Variants in KIRREL1 observed in about 807,000 individuals in gnomAD.
KIRREL1 encodes kirre like nephrin family adhesion molecule 1.
KIRREL1 carries 25 observed loss-of-function variants against 83.3 expected under a neutral mutation model. That is an observed-to-expected ratio of 0.30 (90% CI 0.22 to 0.42). The LOEUF is 0.42. Among genes scored for constraint, KIRREL1 ranks in the 10% least tolerant of loss-of-function variants. KIRREL1 has a pLI of 1.00. For missense variants in KIRREL1, 812 were observed against 1,032.3 expected (o/e 0.79, Z 2.92); for synonymous variants, 388 against 410.4 (o/e 0.95, Z 0.66).
At chr1:158,071,355 C>T (rs556971496) in intron 1 of KIRREL1, among the ~76,000 whole-genome samples, 45 of 152,258 alleles carry the variant, frequency 3.0e-4, no homozygotes, top group Non-Finnish European at 4.6e-4. Flanking sequence ...CGTGTGAGTG[C>T]GTGTGAGTAT....
At chr1:158,079,816 C>G (rs1661793757) in intron 3 of KIRREL1, among the ~76,000 whole-genome samples, 1 of 152,182 alleles carries the variant, frequency 6.6e-6, no homozygotes, top group Non-Finnish European at 1.5e-5. Context: ...ATAATGACAC[C>G]AGCCTTTTCT....
In KIRREL1 at chr1:158,093,616, G is replaced by A. The variant is rs369445203; in HGVS notation, c.1580-7G>A. 5.6e-5 allele frequency: 90 copies of A among 1,613,948 alleles called. No individual in the cohort carries two copies. The highest frequency in any genetic ancestry group is 2.4e-4 in the African/African-American group (18 of 74,932). On this transcript the variant is annotated splice_polypyrimidine_tract_variant and splice_region_variant and intron_variant, in intron 12 of 14. Transcript: ENST00000359209. The stretch of plus-strand genomic sequence containing the variant: ...GCACTTGTTCCAGGCTGCCTCTCCC[G>A]TCCCAGGTCGCAAAGACGTGACCCT...
rs41273471 is a variant in KIRREL1, at chr1:158,096,879, G to A, written c.*1759G>A. 33,008 of 456,642 alleles carry A rather than the reference G, an allele frequency of 0.072. 1,410 individuals are homozygous for A. The highest frequency in any genetic ancestry group is 0.11 in the African/African-American group (5,379 of 50,150). 28.3% of individuals were successfully genotyped at this position (456,642 alleles called of 1,614,324 possible). A position where few individuals can be genotyped will look rare whatever the true frequency, so the allele number is the denominator to read the frequency against. ...CCAAAATGTTCCTCGCCCTTTCTCC[G>A]TGGTCACCATTCATAATTCATGTTC... On this transcript the variant is annotated 3_prime_UTR_variant, in exon 15 of 15. Transcript: ENST00000359209.
At chr1:158,001,541 G>C (rs1361487156) in intron 1 of KIRREL1, among the ~76,000 whole-genome samples, 1 of 152,206 alleles carries the variant, frequency 6.6e-6, no homozygotes, top group Admixed American at 6.5e-5. Context: ...TGCCGTGATA[G>C]CAGTGTGCAG....
At chr1:158,076,052 G>A (rs1212811836) in intron 1 of KIRREL1, 61 bp from the exon 2 acceptor site, 2 of 1,481,330 alleles carry the variant, frequency 1.4e-6, no homozygotes, top group East Asian at 2.4e-5. Flanking sequence ...TGGTGAGGGG[G>A]ACCTCTTAGA....
chr1:158,015,889 A>G (rs1659812339), intron 1 of KIRREL1, among the ~76,000 whole-genome samples: 1 of 152,080 alleles, frequency 6.6e-6, no homozygotes, highest in Admixed American at 6.5e-5. Flanking sequence ...CCCAGTGTCT[A>G]GTTTCTTCTC....
intron 1 of KIRREL1, among the ~76,000 whole-genome samples, chr1:158,056,122 C>G (rs376248238): frequency 1.6e-4 from 24 of 152,330 alleles, no homozygotes; most frequent in African/African-American, 5.1e-4. Flanking sequence ...CCTCGCCCCC[C>G]CTCATCCTGC....
intron 1 of KIRREL1, among the ~76,000 whole-genome samples, chr1:158,043,731 A>G (rs990994225): frequency 1.3e-5 from 2 of 151,980 alleles, no homozygotes; most frequent in Non-Finnish European, 2.9e-5. Flanking sequence ...ACAGAAGAAA[A>G]TGTGCCTTCC....
chr1:157,999,840 T>C (rs1253089154), intron 1 of KIRREL1, among the ~76,000 whole-genome samples: 2 of 152,138 alleles, frequency 1.3e-5, no homozygotes, highest in African/African-American at 2.4e-5. Context: ...GGAAAAATAA[T>C]GGGCTCTCTC....
intron 1 of KIRREL1, among the ~76,000 whole-genome samples, chr1:158,034,370 A>G (rs967319464): frequency 3.3e-5 from 5 of 151,844 alleles, no homozygotes; most frequent in African/African-American, 1.2e-4. Flanking sequence ...CCCTTTCCCA[A>G]TTTTCATTCC....
chr1:158,090,566 C>T (rs1662165720), intron 10 of KIRREL1, among the ~76,000 whole-genome samples: 1 of 152,178 alleles, frequency 6.6e-6, no homozygotes, highest in South Asian at 2.1e-4. Flanking sequence ...GAGGATTGAT[C>T]CCTGGAAAGG....
chr1:157,998,976 T>TA (rs996200960), intron 1 of KIRREL1, among the ~76,000 whole-genome samples: 2 of 152,322 alleles, frequency 1.3e-5, no homozygotes, highest in Admixed American at 1.3e-4. Flanking sequence ...CCTGAGGTGT[T>TA]AGACCCCAGA....
Position 158,094,171 on chromosome 1 carries a change from C to T in KIRREL1, c.1720-142C>T. The T allele has an allele frequency of 1.4e-6, 1 of 726,470 alleles. No individual in the cohort carries two copies. Among genetic ancestry groups the T allele is most frequent in the Admixed American group, 2.1e-5 (1 of 48,254 alleles). The allele number at this position is 726,470 out of a possible 1,614,324, so 45.0% of individuals were successfully genotyped here. Reference sequence around the variant, plus strand: ...TTCCCACCACATCCCAGAGCCTCTGCTGAGAGGACCAGAACTCAAGTCTGC... The same window carrying T: ...TTCCCACCACATCCCAGAGCCTCTGTTGAGAGGACCAGAACTCAAGTCTGC... On this transcript the variant is annotated intron_variant, in intron 13 of 14. Coordinates refer to ENST00000359209, the MANE Select transcript of KIRREL1 (RefSeq NM_018240.7). This position sits in a 1 kb window ranked among gnomAD's most constrained non-coding sequence, Gnocchi z 4.6.
At chr1:158,072,001 C>T (rs573123713) in intron 1 of KIRREL1, among the ~76,000 whole-genome samples, 2 of 152,322 alleles carry the variant, frequency 1.3e-5, no homozygotes, top group African/African-American at 4.8e-5. Context: ...GCCTGCACCT[C>T]ACTGCTCACT....
At chr1:158,017,183 T>C (rs1230492287) in intron 1 of KIRREL1, among the ~76,000 whole-genome samples, 1 of 152,066 alleles carries the variant, frequency 6.6e-6, no homozygotes, top group Non-Finnish European at 1.5e-5. Context: ...GAAATGGGCA[T>C]CTCCCTGGGC....
chr1:157,996,010 T>C (rs1659188804), intron 1 of KIRREL1, among the ~76,000 whole-genome samples: 1 of 138,474 alleles, frequency 7.2e-6, no homozygotes, highest in South Asian at 2.3e-4. Flanking sequence ...GAGCTCTAGG[T>C]CAGGGACTGG....
chr1:158,020,209 G>A (rs747389167), intron 1 of KIRREL1, among the ~76,000 whole-genome samples: 7 of 151,912 alleles, frequency 4.6e-5, no homozygotes, highest in Non-Finnish European at 7.4e-5. Context: ...CATCACCTCC[G>A]GGAAGATGAT....
At chr1:158,086,294 G>A (rs975266510) in intron 4 of KIRREL1, among the ~76,000 whole-genome samples, 6 of 152,078 alleles carry the variant, frequency 3.9e-5, no homozygotes, top group African/African-American at 7.2e-5. Flanking sequence ...TCCTGTAGTC[G>A]CTGCTACTCA....
intron 1 of KIRREL1, among the ~76,000 whole-genome samples, chr1:158,006,562 A>G (rs1659525064): frequency 6.6e-6 from 1 of 152,194 alleles, no homozygotes; most frequent in African/African-American, 2.4e-5. Flanking sequence ...TAGGGGTCAG[A>G]TTTGCTTTCC....
Sources: gnomAD v4.1 joint callset for allele counts (sites outside exome capture counted in the v4.1 genomes callset) on GRCh38, gnomAD v4.1.1 for gene constraint, Gnocchi (gnomAD v3.1) non-coding constraint, MANE v1.5 for transcripts, NCBI Gene and HGNC (gene_info 2026-07-23, HGNC 2026-07-21) for gene names.